CDS1: variants seen among roughly 807,000 people sequenced by gnomAD.
CDS1 encodes the protein phosphatidate cytidylyltransferase 1.
In CDS1, 41 loss-of-function variants were observed where a neutral mutation model predicts 62.1. The observed-to-expected ratio is 0.66, with a 90% CI of 0.51 to 0.86. CDS1 has a LOEUF of 0.86. Among genes scored for constraint, CDS1 ranks in the 40% least tolerant of loss-of-function variants. CDS1 has a pLI of 0.00. For missense variants in CDS1, 470 were observed against 550.1 expected (o/e 0.85, Z 1.46); for synonymous variants, 185 against 192.6 (o/e 0.96, Z 0.32).
intron 7 of CDS1, 113 bp downstream of exon 7, chr4:84,634,052 A>G: frequency 2.0e-6 from 1 of 504,122 alleles, no homozygotes; most frequent in Non-Finnish European, 3.4e-6. Flanking sequence ...TGTTGTTCTT[A>G]TATTCCATTA....
chr4:84,597,208 C>T (rs749410022), intron 1 of CDS1, among the ~76,000 whole-genome samples: 23 of 151,816 alleles, frequency 1.5e-4, no homozygotes, highest in Non-Finnish European at 3.1e-4. Flanking sequence ...AACAGGGCTG[C>T]GGAGAAAGAT....
chr4:84,607,731 A>AT (rs201836158), intron 2 of CDS1, among the ~76,000 whole-genome samples: 9 of 151,402 alleles, frequency 5.9e-5, no homozygotes, highest in South Asian at 2.1e-4. Flanking sequence ...CCCTGTCTCT[A>AT]TTTTTTTTTA....
At chr4:84,633,988 A>C in intron 7 of CDS1, 49 bp downstream of exon 7, 1 of 1,087,126 alleles carries the variant, frequency 9.2e-7, no homozygotes, top group Non-Finnish European at 1.4e-6. Context: ...TAGCACTTTT[A>C]TAGTTCTTTA....
chr4:84,624,813 G>C (rs1303740908), intron 5 of CDS1, among the ~76,000 whole-genome samples: 1 of 151,192 alleles, frequency 6.6e-6, no homozygotes, highest in Non-Finnish European at 1.5e-5. Flanking sequence ...GTAATTCTTT[G>C]TTCCATATAT....
chr4:84,622,640 A>G (rs1723725196), intron 5 of CDS1, among the ~76,000 whole-genome samples: 1 of 152,184 alleles, frequency 6.6e-6, no homozygotes, highest in South Asian at 2.1e-4. Flanking sequence ...TAATTAAAAC[A>G]TAAATCATTT....
chr4:84,619,298 G>C, intron 4 of CDS1, 96 bp from the exon 5 acceptor site: 1 of 584,938 alleles, frequency 1.7e-6, no homozygotes, highest in Non-Finnish European at 2.8e-6. Context: ...ACTTTGTTTT[G>C]ATCTTTGTGT....
Position 84,649,592 on chromosome 4 carries a change from A to T in CDS1, c.*906A>T, listed in dbSNP as rs1724669017. ...GGTAGTGAGTCGGGGTTGTGGCTGC[A>T]GCAGAGCAGGAGATGCTTGCCCGAG... On this transcript the variant is annotated 3_prime_UTR_variant, in exon 13 of 13. Coordinates refer to ENST00000295887, the MANE Select transcript of CDS1 (RefSeq NM_001263.4). The T allele has an allele frequency of 6.6e-6, 1 of 152,418 alleles. No individual in the cohort carries two copies. Among genetic ancestry groups the T allele is most frequent in the South Asian group, 2.1e-4 (1 of 4,830 alleles). The allele number at this position is 152,418 out of a possible 1,614,324, so 9.4% of individuals were successfully genotyped here. A position where few individuals can be genotyped will look rare whatever the true frequency, so the allele number is the denominator to read the frequency against.
At chr4:84,636,921 C>T (rs1239262382) in intron 8 of CDS1, among the ~76,000 whole-genome samples, 2 of 152,196 alleles carry the variant, frequency 1.3e-5, no homozygotes, top group Admixed American at 6.5e-5. Context: ...ATATTATTAC[C>T]TGGCTGTTTT....
At chr4:84,609,180 CAAAAAA>C (rs1230335142) in intron 2 of CDS1, among the ~76,000 whole-genome samples, 2 of 91,468 alleles carry the variant, frequency 2.2e-5, no homozygotes, top group African/African-American at 1.1e-4. Flanking sequence ...GACTCCGTCT[CAAAAAA>C]AAAAAAAAAA....
chr4:84,590,821 G>A (rs183018434), intron 1 of CDS1, among the ~76,000 whole-genome samples: 2 of 152,276 alleles, frequency 1.3e-5, no homozygotes. Context: ...TAATATTGAT[G>A]AATGATTGGC....
At chr4:84,619,982 A>C (rs1356530947) in intron 5 of CDS1, among the ~76,000 whole-genome samples, 1 of 148,882 alleles carries the variant, frequency 6.7e-6, no homozygotes, top group Non-Finnish European at 1.5e-5. Context: ...CCGTGAGCTG[A>C]GATCACGCCA....
chr4:84,619,566 G>A, intron 5 of CDS1, 33 bp downstream of exon 5: 1 of 1,264,554 alleles, frequency 7.9e-7, no homozygotes, highest in Non-Finnish European at 1.1e-6. Context: ...TTGATATATA[G>A]TTAACATATT....
At chr4:84,620,170 C>G (rs1042897603) in intron 5 of CDS1, among the ~76,000 whole-genome samples, 1 of 150,926 alleles carries the variant, frequency 6.6e-6, no homozygotes, top group East Asian at 1.9e-4. Context: ...CTTTATTTGT[C>G]CCTAGGAAAT....
intron 6 of CDS1, among the ~76,000 whole-genome samples, chr4:84,633,209 C>A (rs753100228): frequency 1.6e-4 from 24 of 152,144 alleles, no homozygotes; most frequent in Non-Finnish European, 4.4e-5. Flanking sequence ...TCATAAGACT[C>A]GTACATGGAA....
chr4:84,614,462 A>C (rs1215647053), intron 3 of CDS1, among the ~76,000 whole-genome samples: 1 of 152,034 alleles, frequency 6.6e-6, no homozygotes, highest in Admixed American at 6.6e-5. Flanking sequence ...TCTTTTTTTT[A>C]TTGTGAATAA....
At chr4:84,603,309 C>T (rs373510761) in intron 1 of CDS1, among the ~76,000 whole-genome samples, 16 of 152,284 alleles carry the variant, frequency 1.1e-4, no homozygotes, top group African/African-American at 3.9e-4. Flanking sequence ...GGAATATTCT[C>T]TTTCCTCTAT....
At chr4:84,628,079 C>G (rs1723911154) in intron 5 of CDS1, among the ~76,000 whole-genome samples, 1 of 152,126 alleles carries the variant, frequency 6.6e-6, no homozygotes, top group Non-Finnish European at 1.5e-5. Context: ...TAAAGGCACA[C>G]AATGCAGTGT....
intron 5 of CDS1, among the ~76,000 whole-genome samples, chr4:84,626,348 A>C (rs1244218484): frequency 6.6e-6 from 1 of 152,240 alleles, no homozygotes; most frequent in Non-Finnish European, 1.5e-5. Context: ...TGTAAGAAAT[A>C]ATAGATCTTT....
chr4:84,629,948 A>G (rs893400535), intron 5 of CDS1, among the ~76,000 whole-genome samples: 2 of 152,172 alleles, frequency 1.3e-5, no homozygotes, highest in African/African-American at 2.4e-5. Context: ...AGTTAATGAT[A>G]TTGAGAAGTT....
Sources: gnomAD v4.1 joint callset for allele counts (sites outside exome capture counted in the v4.1 genomes callset) on GRCh38, gnomAD v4.1.1 for gene constraint, MANE v1.5 for transcripts, NCBI Gene and HGNC (gene_info 2026-07-23, HGNC 2026-07-21) for gene names.